Variants in SORCS3 observed in about 807,000 individuals in gnomAD.
SORCS3 encodes the protein sortilin related VPS10 domain containing receptor 3.
A neutral mutation model predicts 146.3 loss-of-function variants in SORCS3; 57 were observed. That is an observed-to-expected ratio of 0.39 (90% CI 0.31 to 0.49). SORCS3 has a LOEUF of 0.49. Ranked by LOEUF, SORCS3 falls within the 20% of genes least tolerant of loss-of-function variation. The probability of loss-of-function intolerance (pLI) is 0.92; values close to 1 mark genes in which losing one functional copy is unlikely to be tolerated. For missense variants in SORCS3, 1,341 were observed against 1,575.5 expected, an observed-to-expected ratio of 0.85 and a Z score of 2.52; for synonymous variants, 653 against 618.5, an observed-to-expected ratio of 1.06 and a Z score of -0.83.
At chr10:104,710,230 A>G (rs992076395) in intron 1 of SORCS3, among the ~76,000 whole-genome samples, 1 of 152,182 alleles carries the variant, frequency 6.6e-6, no homozygotes, top group African/African-American at 2.4e-5. Flanking sequence ...CCTTTGCCCT[A>G]TAGCCCAACC....
intron 25 of SORCS3, among the ~76,000 whole-genome samples, chr10:105,258,306 C>A (rs1173484462): frequency 6.6e-6 from 1 of 152,152 alleles, no homozygotes; most frequent in Admixed American, 6.5e-5. Flanking sequence ...GTGGATAAAA[C>A]CTTTATGTCA....
At chr10:104,890,348 T>A (rs945010797) in intron 2 of SORCS3, among the ~76,000 whole-genome samples, 2 of 151,734 alleles carry the variant, frequency 1.3e-5, no homozygotes, top group Non-Finnish European at 2.9e-5. Flanking sequence ...TTTTCCTCAG[T>A]TTTTTTTTGT....
intron 1 of SORCS3, among the ~76,000 whole-genome samples, chr10:104,750,096 CTT>C (rs1338548677): frequency 6.6e-6 from 1 of 152,066 alleles, no homozygotes; most frequent in Non-Finnish European, 1.5e-5. Context: ...GTAGTACTAA[CTT>C]ATATTACATA....
At chr10:104,722,045 T>C (rs1478052203) in intron 1 of SORCS3, among the ~76,000 whole-genome samples, 2 of 152,246 alleles carry the variant, frequency 1.3e-5, no homozygotes, top group African/African-American at 4.8e-5. Context: ...GGGGCATCCC[T>C]GTCTTGTGCC....
intron 1 of SORCS3, among the ~76,000 whole-genome samples, chr10:104,836,936 A>G (rs578230441): frequency 1.3e-5 from 2 of 152,174 alleles, no homozygotes; most frequent in Non-Finnish European, 2.9e-5. Context: ...AGTGTATAGA[A>G]ATTCCTACCA....
At chr10:105,241,800 T>G (rs975009690) in intron 20 of SORCS3, among the ~76,000 whole-genome samples, 2 of 152,024 alleles carry the variant, frequency 1.3e-5, no homozygotes, top group Non-Finnish European at 2.9e-5. Context: ...AGGCACAGGA[T>G]GGGGATTGTG....
chr10:105,134,997 T>TG (rs1449538315), intron 7 of SORCS3, among the ~76,000 whole-genome samples: 1 of 151,510 alleles, frequency 6.6e-6, no homozygotes, highest in African/African-American at 2.4e-5. Flanking sequence ...GGGAGAGGTA[T>TG]GGGACAGTCA....
intron 1 of SORCS3, among the ~76,000 whole-genome samples, chr10:104,742,743 T>G (rs1244041024): frequency 6.6e-6 from 1 of 151,798 alleles, no homozygotes; most frequent in Non-Finnish European, 1.5e-5. Context: ...AGTCAAAGAG[T>G]AAGTGTAGCA....
At chr10:104,850,755 T>C (rs145449149) in intron 2 of SORCS3, among the ~76,000 whole-genome samples, 13 of 152,336 alleles carry the variant, frequency 8.5e-5, no homozygotes, top group Non-Finnish European at 1.2e-4. Flanking sequence ...AAATGATCTT[T>C]TGAAACTCTT....
At chr10:104,995,500 G>A (rs2055021646) in intron 4 of SORCS3, among the ~76,000 whole-genome samples, 2 of 152,046 alleles carry the variant, frequency 1.3e-5, no homozygotes, top group African/African-American at 4.8e-5. Flanking sequence ...AGCTCATTGT[G>A]GTTGTAATTT....
At chr10:104,664,216 T>TC (rs1397725690) in intron 1 of SORCS3, among the ~76,000 whole-genome samples, 2 of 152,162 alleles carry the variant, frequency 1.3e-5, no homozygotes, top group African/African-American at 4.8e-5. Context: ...TTACAGTGTG[T>TC]CCTTCATGGG....
At chr10:104,884,598 G>A (rs1469895689) in intron 2 of SORCS3, among the ~76,000 whole-genome samples, 1 of 152,128 alleles carries the variant, frequency 6.6e-6, no homozygotes, top group Non-Finnish European at 1.5e-5. Context: ...TACTGTATGG[G>A]AAGTGTGTGA....
intron 4 of SORCS3, among the ~76,000 whole-genome samples, chr10:104,998,814 G>A (rs1436329220): frequency 6.6e-6 from 1 of 152,104 alleles, no homozygotes; most frequent in Non-Finnish European, 1.5e-5. Flanking sequence ...TATGAAGTGT[G>A]GACATCTGTG....
chr10:105,132,279 A>G (rs2056024944), intron 7 of SORCS3, among the ~76,000 whole-genome samples: 1 of 152,156 alleles, frequency 6.6e-6, no homozygotes, highest in Non-Finnish European at 1.5e-5. Context: ...TATCTTTACC[A>G]TGTATGGTAC....
intron 3 of SORCS3, among the ~76,000 whole-genome samples, chr10:104,949,881 A>G (rs934269574): frequency 9.2e-5 from 14 of 152,360 alleles, no homozygotes; most frequent in East Asian, 3.9e-4. Context: ...GAGAAGGGAA[A>G]CTTTAGATTG....
At chr10:104,695,963 A>G (rs938867245) in intron 1 of SORCS3, among the ~76,000 whole-genome samples, 2 of 143,410 alleles carry the variant, frequency 1.4e-5, no homozygotes, top group Non-Finnish European at 3.0e-5. Context: ...TATTATATAC[A>G]CATATAATAT....
chr10:104,989,879 T>C (rs1247556839), intron 4 of SORCS3, among the ~76,000 whole-genome samples: 2 of 152,232 alleles, frequency 1.3e-5, no homozygotes, highest in East Asian at 3.8e-4. Flanking sequence ...GTAATGCAGG[T>C]GTCAGCTGTT....
At chr10:104,716,025 A>T (rs2016472505) in intron 1 of SORCS3, among the ~76,000 whole-genome samples, 2 of 152,098 alleles carry the variant, frequency 1.3e-5, no homozygotes, top group Non-Finnish European at 2.9e-5. Flanking sequence ...TCCACCTCAG[A>T]GCTCTTGCAG....
intron 3 of SORCS3, among the ~76,000 whole-genome samples, chr10:104,918,507 T>C (rs1198675235): frequency 1.3e-5 from 2 of 152,238 alleles, no homozygotes; most frequent in Non-Finnish European, 2.9e-5. Context: ...GATGGGCACA[T>C]GATTAAAGTT....
Sources: allele counts gnomAD v4.1 joint callset (sites outside exome capture counted in the v4.1 genomes callset), GRCh38; gene constraint gnomAD v4.1.1; transcripts MANE v1.5; gene names NCBI Gene and HGNC (gene_info 2026-07-23, HGNC 2026-07-21).